The following NXN variants were observed in gnomAD, a reference collection of about 807,000 sequenced individuals.
NXN encodes the protein nucleoredoxin 1.
A neutral mutation model predicts 48.6 loss-of-function variants in NXN; 16 were observed. That is an observed-to-expected ratio of 0.33 (90% CI 0.22 to 0.50). The LOEUF is 0.50. Among genes scored for constraint, NXN ranks in the 20% least tolerant of loss-of-function variants. The pLI is 0.98. For synonymous variants in NXN, 281 were observed against 269.6 expected, an observed-to-expected ratio of 1.04 and a Z score of -0.41; for missense variants, 492 against 605.5, an observed-to-expected ratio of 0.81 and a Z score of 1.97.
intron 1 of NXN, among the ~76,000 whole-genome samples, chr17:974,424 T>C (rs935064112): frequency 1.3e-5 from 2 of 152,082 alleles, no homozygotes; most frequent in Non-Finnish European, 2.9e-5. Flanking sequence ...AGTAATGTGA[T>C]AGATTCCCAA....
chr17:868,860 G>A (rs767178875), intron 1 of NXN, among the ~76,000 whole-genome samples: 21 of 152,208 alleles, frequency 1.4e-4, no homozygotes, highest in Non-Finnish European at 2.8e-4. Flanking sequence ...CCACCATCCC[G>A]CCTGTGTTTG....
intron 1 of NXN, among the ~76,000 whole-genome samples, chr17:950,568 G>A (rs1275664895): frequency 2.0e-5 from 3 of 151,668 alleles, no homozygotes; most frequent in Non-Finnish European, 4.4e-5. Context: ...GTGTTCAGGG[G>A]TGGGTGGGGT....
chr17:892,539 C>G (rs909098613), intron 1 of NXN, among the ~76,000 whole-genome samples: 5 of 152,144 alleles, frequency 3.3e-5, no homozygotes, highest in African/African-American at 9.7e-5. Flanking sequence ...CTCATCCCCA[C>G]CCACAAAACA....
intron 5 of NXN, 97 bp from the exon 6 acceptor site, chr17:805,344 TG>T: frequency 1.5e-6 from 2 of 1,316,044 alleles, no homozygotes; most frequent in South Asian, 2.9e-5. Flanking sequence ...CCCCCGACCG[TG>T]GTGGAGCCCA....
intron 1 of NXN, among the ~76,000 whole-genome samples, chr17:912,020 C>T (rs2068641410): frequency 6.6e-6 from 1 of 151,408 alleles, no homozygotes; most frequent in Admixed American, 6.6e-5. Context: ...TCACTGCAAC[C>T]TCTGCCTCCC....
intron 1 of NXN, among the ~76,000 whole-genome samples, chr17:914,828 C>G (rs2068670572): frequency 6.6e-6 from 1 of 152,102 alleles, no homozygotes; most frequent in Admixed American, 6.6e-5. Flanking sequence ...CCTGGAGGAG[C>G]TGATGAGTGC....
intron 4 of NXN, 79 bp from the exon 5 acceptor site, chr17:819,624 T>C: frequency 9.7e-7 from 1 of 1,028,314 alleles, no homozygotes; most frequent in Middle Eastern, 2.2e-4. Context: ...TCTGCCGAGT[T>C]CTGCCCAGGG....
At chr17:944,532 G>C (rs141145530) in intron 1 of NXN, among the ~76,000 whole-genome samples, 16 of 152,340 alleles carry the variant, frequency 1.1e-4, no homozygotes, top group South Asian at 2.1e-4. Flanking sequence ...AGGGGCAAAT[G>C]TAAGGTAGAT....
At position 804,804 on chromosome 17, in the gene NXN, C is replaced by A. The variant is rs533346869; in HGVS notation, c.1000+264G>T. Among the ~76,000 whole-genome samples, 5 of 152,312 alleles carry A rather than the reference C, an allele frequency of 3.3e-5. No individual in the cohort carries two copies. In the South Asian group the frequency reaches 8.3e-4, roughly 25 times the overall value. ...AACAATGGGTCTGCGCATGGGGGCC[C>A]CGAGGGCATCCTCCCGGCCTGACCT... On this transcript the variant is annotated intron_variant, in intron 6 of 7. Transcript: ENST00000336868.
chr17:928,464 G>C (rs1207151277), intron 1 of NXN, among the ~76,000 whole-genome samples: 1 of 152,176 alleles, frequency 6.6e-6, no homozygotes, highest in African/African-American at 2.4e-5. Context: ...CATTAACCTA[G>C]AGGGAAGTTT....
At chr17:878,596 A>G (rs992342909) in intron 1 of NXN, among the ~76,000 whole-genome samples, 17 of 152,050 alleles carry the variant, frequency 1.1e-4, no homozygotes, top group Admixed American at 7.9e-4. Context: ...GGGCTGGCCC[A>G]TAGGGCAGTG....
At chr17:957,696 T>C (rs2150625199) in intron 1 of NXN, among the ~76,000 whole-genome samples, 1 of 151,314 alleles carries the variant, frequency 6.6e-6, no homozygotes, top group Non-Finnish European at 1.5e-5. Flanking sequence ...GAGTGTGGCC[T>C]CCTTGGTCAA....
intron 1 of NXN, among the ~76,000 whole-genome samples, chr17:889,556 TGG>T (rs1201788775): frequency 6.6e-6 from 1 of 152,036 alleles, no homozygotes; most frequent in Non-Finnish European, 1.5e-5. Flanking sequence ...ATTAGCCTGG[TGG>T]TGGCGTGTGC....
chr17:911,156 G>C (rs2068631964), intron 1 of NXN: 1 of 151,852 alleles, frequency 6.6e-6, no homozygotes, highest in African/African-American at 2.4e-5. Flanking sequence ...TGAACATTAT[G>C]TTTCTGTCTC....
At chr17:959,204 C>A in intron 1 of NXN, 1 of 1,030,256 alleles carries the variant, frequency 9.7e-7, no homozygotes, top group Non-Finnish European at 1.3e-6. Flanking sequence ...TCAGCCAGTA[C>A]GTGTGTCAGC....
At chr17:872,613 C>CTTTTTT (rs34081114) in intron 1 of NXN, among the ~76,000 whole-genome samples, 47 of 75,418 alleles carry the variant, frequency 6.2e-4, no homozygotes, top group African/African-American at 8.8e-4. Flanking sequence ...CGGGTGAGAT[C>CTTTTTT]TTTTTTTTTT....
At chr17:902,620 C>CGAAGGAGACGTGAG (rs2068547521) in intron 1 of NXN, among the ~76,000 whole-genome samples, 1 of 152,004 alleles carries the variant, frequency 6.6e-6, no homozygotes. Flanking sequence ...AACCTGTTTA[C>CGAAGGAGACGTGAG]GAAGGAGACG....
chr17:897,020 C>A, intron 1 of NXN: 1 of 1,099,548 alleles, frequency 9.1e-7, no homozygotes, highest in Admixed American at 5.4e-5. Flanking sequence ...GTAATGGAAA[C>A]TCCGGCGTGC....
chr17:869,078 T>C (rs551751676), intron 1 of NXN, among the ~76,000 whole-genome samples: 1 of 152,192 alleles, frequency 6.6e-6, no homozygotes, highest in South Asian at 2.1e-4. Context: ...CCTCCTGCCT[T>C]ATATTAAGTC....
Sources: gnomAD v4.1 joint callset for allele counts (sites outside exome capture counted in the v4.1 genomes callset) on GRCh38, gnomAD v4.1.1 for gene constraint, MANE v1.5 for transcripts, NCBI Gene and HGNC (gene_info 2026-07-23, HGNC 2026-07-21) for gene names.